PTBP3: variants seen among roughly 807,000 people sequenced by gnomAD.
The protein encoded by PTBP3 is polypyrimidine tract binding protein 3.
PTBP3 carries 20 observed loss-of-function variants against 58.7 expected under a neutral mutation model. That is an observed-to-expected ratio of 0.34 (90% CI 0.24 to 0.50). PTBP3 has a LOEUF of 0.50. Ranked by LOEUF, PTBP3 falls within the 20% of genes least tolerant of loss-of-function variation. The pLI is 0.98. For missense variants in PTBP3, 509 were observed against 637.2 expected (o/e 0.80, Z 2.17); for synonymous variants, 185 against 219.8 (o/e 0.84, Z 1.40).
At chr9:112,284,957 G>A (rs1828044085) in intron 2 of PTBP3, among the ~76,000 whole-genome samples, 3 of 43,526 alleles carry the variant, frequency 6.9e-5, no homozygotes, top group South Asian at 1.4e-3. Context: ...GGGACTTTTG[G>A]GTTATGTTGG....
intron 2 of PTBP3, among the ~76,000 whole-genome samples, chr9:112,292,796 T>C (rs1024578948): frequency 2.0e-5 from 3 of 152,188 alleles, no homozygotes; most frequent in African/African-American, 4.8e-5. Context: ...TGGACAGAGT[T>C]TCAGTTTTGT....
At chr9:112,227,113 T>C in intron 12 of PTBP3, among the ~76,000 whole-genome samples, 1 of 152,218 alleles carries the variant, frequency 6.6e-6, no homozygotes, top group East Asian at 1.9e-4. Flanking sequence ...GATGGACAAA[T>C]ACGTGCCAAT....
chr9:112,242,230 A>G (rs7038217), intron 7 of PTBP3, among the ~76,000 whole-genome samples: 8,311 of 152,190 alleles, frequency 0.055, 428 homozygotes, highest in African/African-American at 0.13. Flanking sequence ...CCTCAGCTCA[A>G]ACAATCCTCC....
intron 3 of PTBP3, among the ~76,000 whole-genome samples, chr9:112,269,196 CAAAAA>C (rs5899997): frequency 0.021 from 1,949 of 91,296 alleles, 46 homozygotes; most frequent in African/African-American, 0.077. Context: ...AACTCTGTCT[CAAAAA>C]AAAAAAAAAA....
chr9:112,231,978 A>AGAG (rs1564391483), intron 9 of PTBP3, 121 bp downstream of exon 9: 144 of 422,270 alleles, frequency 3.4e-4, no homozygotes, highest in Admixed American at 5.0e-4. Flanking sequence ...AGAGAAGAGA[A>AGAG]GAGAAGAGAA....
intron 5 of PTBP3, among the ~76,000 whole-genome samples, chr9:112,257,924 G>A (rs1009059674): frequency 7.5e-6 from 1 of 134,222 alleles, no homozygotes; most frequent in Non-Finnish European, 1.5e-5. Context: ...TGGGCTATAA[G>A]AGTGAGACTC....
chr9:112,232,304 T>C, intron 8 of PTBP3, 66 bp from the exon 9 acceptor site: 1 of 1,392,442 alleles, frequency 7.2e-7, no homozygotes, highest in Non-Finnish European at 9.7e-7. Flanking sequence ...TTGATACAAT[T>C]TAAGTAAATA....
At chr9:112,333,153 G>A (rs967957101) in intron 1 of PTBP3, 8 of 1,214,044 alleles carry the variant, frequency 6.6e-6, no homozygotes, top group Non-Finnish European at 8.3e-6. Flanking sequence ...CCCGGACTCG[G>A]GGCGCGGAGG....
the PTBP3 span, among the ~76,000 whole-genome samples, chr9:112,351,837 G>T: frequency 2.6e-5 from 4 of 151,906 alleles, no homozygotes; most frequent in Admixed American, 2.6e-4. Flanking sequence ...GGGTTTTTTG[G>T]TTTTGTTTTT....
intron 7 of PTBP3, among the ~76,000 whole-genome samples, chr9:112,235,099 G>A (rs1158474534): frequency 6.6e-6 from 1 of 152,062 alleles, no homozygotes; most frequent in Non-Finnish European, 1.5e-5. Flanking sequence ...TGGGTTCAAG[G>A]ACCAAGAGTA....
At chr9:112,270,653 G>T (rs1827343236) in intron 3 of PTBP3, among the ~76,000 whole-genome samples, 1 of 152,094 alleles carries the variant, frequency 6.6e-6, no homozygotes. Context: ...AAGTTACTAA[G>T]AATTCTCCCC....
At chr9:112,358,232 C>T in the PTBP3 span, among the ~76,000 whole-genome samples, 4 of 152,092 alleles carry the variant, frequency 2.6e-5, no homozygotes, top group East Asian at 1.9e-4. Flanking sequence ...ATTGCTTGAA[C>T]GTGGGAGGCA....
At chr9:112,231,242 T>A in intron 10 of PTBP3, 138 bp downstream of exon 10, 1 of 557,028 alleles carries the variant, frequency 1.8e-6, no homozygotes, top group Non-Finnish European at 2.9e-6. Context: ...AATTACTTAC[T>A]AAGTCTTATT....
chr9:112,348,818 AC>A, the PTBP3 span, among the ~76,000 whole-genome samples: 1 of 151,994 alleles, frequency 6.6e-6, no homozygotes, highest in African/African-American at 2.4e-5. Flanking sequence ...CGCTAACAAT[AC>A]CACCCCCCCT....
chr9:112,252,145 A>C (rs560856404), intron 6 of PTBP3: 1 of 152,388 alleles, frequency 6.6e-6, no homozygotes, highest in East Asian at 1.9e-4. Flanking sequence ...TGATAGCAGC[A>C]TATTTCCTAA....
At chr9:112,363,516 T>TCACACACACACACACACACACA in the PTBP3 span, among the ~76,000 whole-genome samples, 5 of 134,864 alleles carry the variant, frequency 3.7e-5, no homozygotes, top group African/African-American at 1.4e-4. Flanking sequence ...AGCAAAACTG[T>TCACACACACACACACACACACA]CACACACACA....
intron 5 of PTBP3, among the ~76,000 whole-genome samples, chr9:112,260,580 C>T (rs760050680): frequency 6.6e-5 from 10 of 151,942 alleles, no homozygotes; most frequent in Admixed American, 2.6e-4. Context: ...ACAGTGTTCC[C>T]GGCCTAAGAA....
intron 7 of PTBP3, among the ~76,000 whole-genome samples, chr9:112,239,415 C>G (rs1180530984): frequency 1.3e-5 from 2 of 152,050 alleles, no homozygotes; most frequent in Non-Finnish European, 2.9e-5. Flanking sequence ...AATTGTATGG[C>G]ATGTAAGGTG....
At chr9:112,346,051 C>T in the PTBP3 span, among the ~76,000 whole-genome samples, 42 of 151,788 alleles carry the variant, frequency 2.8e-4, no homozygotes, top group Non-Finnish European at 4.1e-4. Flanking sequence ...GCCATGTTAG[C>T]CAGGCTGGTC....
Sources: allele counts gnomAD v4.1 joint callset (sites outside exome capture counted in the v4.1 genomes callset), GRCh38; gene constraint gnomAD v4.1.1; transcripts MANE v1.5; gene names NCBI Gene and HGNC (gene_info 2026-07-23, HGNC 2026-07-21).